CFAP58: variants seen among roughly 807,000 people sequenced by gnomAD.
CFAP58 encodes the protein cilia- and flagella-associated protein 58.
A neutral mutation model predicts 119.5 loss-of-function variants in CFAP58; 88 were observed. The ratio of observed to expected loss-of-function variants is 0.74; its 90% confidence interval spans 0.62 to 0.88. The LOEUF (loss-of-function observed/expected upper bound fraction) is 0.88, where lower values mean the gene tolerates loss of function less well. CFAP58 is among the 40% of genes least tolerant of loss of function. CFAP58 has a pLI of 0.00. For synonymous variants in CFAP58, 365 were observed against 366.3 expected (o/e 1.00, Z 0.04); for missense variants, 990 against 1,021.2 (o/e 0.97, Z 0.42).
chr10:104,438,353 T>TG lies in CFAP58; in HGVS notation c.2257-9345_2257-9344insG, dbSNP rs1260996700. ...TTTTTTGTTTTTTGTTTTTTGTTTT[T>TG]TTTTTTTGTTTTTTTTTTTTGTTTT... On this transcript the variant is annotated intron_variant, in intron 15 of 17. Coordinates refer to ENST00000369704, the MANE Select transcript of CFAP58 (RefSeq NM_001008723.2). Among the ~76,000 whole-genome samples, 162 of 38,266 alleles carry TG rather than the reference T, an allele frequency of 4.2e-3. 1 individual carries two copies. Among genetic ancestry groups the TG allele is most frequent in the African/African-American group, 0.021 (153 of 7,270 alleles). The allele number at this position is 38,266 out of a possible 152,430, so 25.1% of individuals were successfully genotyped here.
At chr10:104,445,959 C>A (rs1465716117) in intron 15 of CFAP58, among the ~76,000 whole-genome samples, 1 of 152,160 alleles carries the variant, frequency 6.6e-6, no homozygotes, top group East Asian at 1.9e-4. Context: ...AGATTGCTTT[C>A]TCTCTGTCAT....
intron 15 of CFAP58, among the ~76,000 whole-genome samples, chr10:104,412,365 A>G (rs2012474606): frequency 1.3e-5 from 2 of 152,180 alleles, no homozygotes; most frequent in African/African-American, 2.4e-5. Context: ...CAGTTTTTCC[A>G]GGCCTCCAAA....
intron 4 of CFAP58, among the ~76,000 whole-genome samples, chr10:104,365,381 A>G (rs1005841613): frequency 6.6e-6 from 1 of 152,228 alleles, no homozygotes; most frequent in Non-Finnish European, 1.5e-5. Context: ...TTTTCATAGC[A>G]TTTGGACATC....
intron 5 of CFAP58, 57 bp downstream of exon 5, chr10:104,366,065 A>T: frequency 7.2e-7 from 1 of 1,396,048 alleles, no homozygotes; most frequent in South Asian, 1.5e-5. Context: ...TGGCACCTTT[A>T]TTCACCCTTT....
At chr10:104,393,703 G>A (rs1372660026) in intron 11 of CFAP58, among the ~76,000 whole-genome samples, 2 of 152,184 alleles carry the variant, frequency 1.3e-5, no homozygotes, top group Admixed American at 1.3e-4. Context: ...GGGGAAGGGA[G>A]CAGTGGAGAT....
intron 14 of CFAP58, 23 bp from the exon 15 acceptor site, chr10:104,406,666 C>T (rs1011048053): frequency 5.7e-6 from 9 of 1,591,064 alleles, no homozygotes; most frequent in African/African-American, 2.7e-5. Flanking sequence ...ATCTCAGCTG[C>T]TATTGTTGTT....
the CFAP58 span, among the ~76,000 whole-genome samples, chr10:104,340,406 C>T: frequency 3.9e-5 from 6 of 152,326 alleles, no homozygotes; most frequent in South Asian, 1.2e-3. Flanking sequence ...CCCCAGTGCA[C>T]ATGCATGTTA....
chr10:104,395,170 G>T (rs967999791), intron 11 of CFAP58, among the ~76,000 whole-genome samples: 3 of 152,190 alleles, frequency 2.0e-5, no homozygotes, highest in African/African-American at 4.8e-5. Flanking sequence ...CTCAGAGTTT[G>T]ACTTTAGCTA....
intron 3 of CFAP58, 89 bp from the exon 4 acceptor site, chr10:104,364,644 C>A: frequency 8.3e-7 from 1 of 1,210,876 alleles, no homozygotes; most frequent in Non-Finnish European, 1.2e-6. Context: ...GACCTGACAT[C>A]TTTCCCATGA....
intron 13 of CFAP58, among the ~76,000 whole-genome samples, chr10:104,402,588 C>T (rs2133045309): frequency 6.6e-6 from 1 of 152,290 alleles, no homozygotes; most frequent in South Asian, 2.1e-4. Flanking sequence ...AGGGCGACAG[C>T]CAGCTCGCAA....
chr10:104,343,027 A>G, the CFAP58 span, among the ~76,000 whole-genome samples: 2 of 152,052 alleles, frequency 1.3e-5, no homozygotes, highest in Non-Finnish European at 2.9e-5. Context: ...ATGCATGACA[A>G]TGGGAGAGAC....
the CFAP58 span, among the ~76,000 whole-genome samples, chr10:104,342,752 C>G: frequency 2.8e-5 from 4 of 143,730 alleles, no homozygotes; most frequent in African/African-American, 1.0e-4. Context: ...GGCTGAGGCA[C>G]GAGAATCACT....
upstream of CFAP58, among the ~76,000 whole-genome samples, chr10:104,349,672 C>T (rs181604085): frequency 7.2e-5 from 11 of 152,262 alleles, no homozygotes; most frequent in Non-Finnish European, 1.3e-4. Flanking sequence ...TGTAGTTTGA[C>T]GGTGTGGTAG....
At chr10:104,361,716 T>C (rs1462797668) in intron 2 of CFAP58, among the ~76,000 whole-genome samples, 4 of 152,184 alleles carry the variant, frequency 2.6e-5, no homozygotes, top group Non-Finnish European at 5.9e-5. Flanking sequence ...GACAGGGTCT[T>C]GCCCTGTCAT....
chr10:104,390,566 C>G (rs2012013277), intron 9 of CFAP58, among the ~76,000 whole-genome samples: 1 of 151,990 alleles, frequency 6.6e-6, no homozygotes, highest in Non-Finnish European at 1.5e-5. Flanking sequence ...ATTAAAGGAG[C>G]TAATACATAT....
chr10:104,387,245 A>G (rs2011942765), intron 9 of CFAP58, among the ~76,000 whole-genome samples: 1 of 152,206 alleles, frequency 6.6e-6, no homozygotes, highest in Admixed American at 6.5e-5. Flanking sequence ...CCTGCAGTTG[A>G]CAGAGGTTCA....
At chr10:104,379,663 T>C (rs892620998) in intron 8 of CFAP58, among the ~76,000 whole-genome samples, 1 of 152,176 alleles carries the variant, frequency 6.6e-6, no homozygotes, top group Non-Finnish European at 1.5e-5. Flanking sequence ...GACTGGAGGT[T>C]AAAGGCATGG....
intron 13 of CFAP58, among the ~76,000 whole-genome samples, chr10:104,402,763 C>T (rs568328031): frequency 1.3e-5 from 2 of 152,144 alleles, no homozygotes; most frequent in South Asian, 2.1e-4. Context: ...TTTCTCAATC[C>T]GGACTGCATG....
intron 15 of CFAP58, among the ~76,000 whole-genome samples, chr10:104,413,036 G>T (rs1298373150): frequency 6.6e-6 from 1 of 152,204 alleles, no homozygotes; most frequent in Non-Finnish European, 1.5e-5. Flanking sequence ...GCTCTTTCCT[G>T]TTAGACTATA....
Sources: gnomAD v4.1 joint callset for allele counts (sites outside exome capture counted in the v4.1 genomes callset) on GRCh38, gnomAD v4.1.1 for gene constraint, MANE v1.5 for transcripts, NCBI Gene and HGNC (gene_info 2026-07-23, HGNC 2026-07-21) for gene names.